Variants in CACNA1C observed in about 807,000 individuals in gnomAD.
CACNA1C encodes calcium voltage-gated channel subunit alpha1 C.
CACNA1C carries 30 observed loss-of-function variants against 229.0 expected under a neutral mutation model. The observed-to-expected ratio is 0.13, with a 90% CI of 0.10 to 0.18. The LOEUF (loss-of-function observed/expected upper bound fraction) is 0.18. Ranked by LOEUF, CACNA1C falls within the 10% of genes least tolerant of loss-of-function variation. CACNA1C has a pLI of 1.00. For missense variants in CACNA1C, 1,658 were observed against 2,845.0 expected, an observed-to-expected ratio of 0.58 and a Z score of 9.49; for synonymous variants, 1,114 against 1,132.5, an observed-to-expected ratio of 0.98 and a Z score of 0.33.
chr12:2,350,548 G>A (rs148204409), intron 3 of CACNA1C, among the ~76,000 whole-genome samples: 143 of 152,332 alleles, frequency 9.4e-4, no homozygotes, highest in African/African-American at 3.2e-3. Flanking sequence ...GGGCCTGAAT[G>A]TGTCCACAAT....
chr12:2,620,873 A>G lies in CACNA1C; in HGVS notation c.3828+8860A>G, dbSNP rs2283329. On this transcript the variant is annotated intron_variant, in intron 29 of 46. Transcript: ENST00000399655. Reference sequence around the variant, plus strand: ...GAGGCATTCAGTGAAAGTTTGATGCATGCATGCATGAATGGATGAATGAGA... The same window carrying G: ...GAGGCATTCAGTGAAAGTTTGATGCGTGCATGCATGAATGGATGAATGAGA... 0.011 allele frequency among the ~76,000 whole-genome samples: 1,601 copies of G among 152,346 alleles called. 69 individuals carry two copies. In the East Asian group the frequency reaches 0.11, roughly 10 times the overall value.
chr12:2,659,145 C>G (rs1334578470), intron 34 of CACNA1C, among the ~76,000 whole-genome samples: 1 of 152,202 alleles, frequency 6.6e-6, no homozygotes, highest in African/African-American at 2.4e-5. Context: ...CTCACAGTCA[C>G]TCACCACTCA....
chr12:2,354,559 G>T lies in CACNA1C; in HGVS notation c.478-94417G>T, dbSNP rs966306487. Among the ~76,000 whole-genome samples the T allele has an allele frequency of 6.6e-6, 1 of 152,128 alleles. No individual in the cohort carries two copies. The highest frequency in any genetic ancestry group is 1.5e-5 in the Non-Finnish European group (1 of 68,018). On this transcript the variant is annotated intron_variant, in intron 3 of 46. Coordinates refer to ENST00000399655, the MANE Select transcript of CACNA1C (RefSeq NM_000719.7). This position sits in a 1 kb window ranked among gnomAD's most constrained non-coding sequence, Gnocchi z 4.6. ...CCCAAGAGAGGGAAAATGCCTTTCC[G>T]CATGCATGCTCTCCTAGCTATGCTT... is the stretch of plus-strand genomic sequence containing the variant.
At chr12:2,562,265 A>C (rs915452659) in intron 11 of CACNA1C, among the ~76,000 whole-genome samples, 1 of 152,230 alleles carries the variant, frequency 6.6e-6, no homozygotes, top group Non-Finnish European at 1.5e-5. Flanking sequence ...AAAAAGGGGC[A>C]TAATCAAGCT....
At chr12:2,643,394 C>T (rs901550423) in intron 30 of CACNA1C, among the ~76,000 whole-genome samples, 1 of 152,188 alleles carries the variant, frequency 6.6e-6, no homozygotes, top group Non-Finnish European at 1.5e-5. Context: ...TCACACCAAA[C>T]CAAAATGGGA....
At chr12:2,070,475 C>T (rs574197544) in intron 1 of CACNA1C, among the ~76,000 whole-genome samples, 1 of 152,316 alleles carries the variant, frequency 6.6e-6, no homozygotes, top group African/African-American at 2.4e-5. Context: ...GAGTGGTAAA[C>T]TTCCTCAGTC....
At position 2,651,795 on chromosome 12, in the gene CACNA1C, CG is replaced by C; in HGVS notation, c.4074+31del. The C allele has an allele frequency of 6.5e-7, 1 of 1,543,166 alleles. No homozygotes were observed. Among genetic ancestry groups the C allele is most frequent in the Non-Finnish European group, 8.7e-7 (1 of 1,145,722 alleles). ...TAGCCGCCCCTCATGTCCTGCGGCC[CG>C]GGGAATCGCAGGGCTGCCGCGTGGC... On this transcript the variant is annotated intron_variant, in intron 32 of 46. Coordinates refer to ENST00000399655, the MANE Select transcript of CACNA1C (RefSeq NM_000719.7). The surrounding 1 kb of genome is among the most constrained non-coding windows in gnomAD (Gnocchi z 5.4).
rs936127873 is a variant in CACNA1C at position 2,654,827 on chromosome 12, C to T, written c.4141-320C>T. 4.6e-5 allele frequency among the ~76,000 whole-genome samples: 7 copies of T among 152,182 alleles called. No homozygotes were observed. Among genetic ancestry groups the T allele is most frequent in the African/African-American group, 7.2e-5 (3 of 41,450 alleles). Reference sequence around the variant, plus strand: ...AGAACTGAAATAGCAAAGAAAATAACGCAGTGCGTCCTGTGTCCTGTCAGA... The same window carrying T: ...AGAACTGAAATAGCAAAGAAAATAATGCAGTGCGTCCTGTGTCCTGTCAGA... On this transcript the variant is annotated intron_variant, in intron 33 of 46. Coordinates refer to ENST00000399655, the MANE Select transcript of CACNA1C (RefSeq NM_000719.7). The surrounding 1 kb of genome is among the most constrained non-coding windows in gnomAD (Gnocchi z 4.4).
At chr12:2,298,023 A>T (rs567605004) in intron 3 of CACNA1C, among the ~76,000 whole-genome samples, 8 of 152,316 alleles carry the variant, frequency 5.3e-5, no homozygotes, top group African/African-American at 1.7e-4. Flanking sequence ...GCTGGGTAAC[A>T]TCTAAAGGAG....
intron 34 of CACNA1C, among the ~76,000 whole-genome samples, chr12:2,655,951 A>T (rs1008593857): frequency 3.3e-5 from 5 of 152,260 alleles, no homozygotes; most frequent in Non-Finnish European, 7.3e-5. Flanking sequence ...ACTGCAACAC[A>T]ATAAAGGCCA....
chr12:2,398,176 A>G (rs1208400160), intron 3 of CACNA1C, among the ~76,000 whole-genome samples: 1 of 152,174 alleles, frequency 6.6e-6, no homozygotes, highest in East Asian at 1.9e-4. Flanking sequence ...CATTATTTGC[A>G]TTTTCTGAGT....
intron 3 of CACNA1C, among the ~76,000 whole-genome samples, chr12:2,230,978 C>G (rs1031448720): frequency 6.6e-6 from 1 of 152,140 alleles, no homozygotes; most frequent in African/African-American, 2.4e-5. Flanking sequence ...TTGTCAATCT[C>G]TTAATTTCTT....
intron 3 of CACNA1C, among the ~76,000 whole-genome samples, chr12:2,416,732 T>G (rs937639473): frequency 6.6e-6 from 1 of 152,210 alleles, no homozygotes; most frequent in Admixed American, 6.5e-5. Flanking sequence ...GAGGAGTTAA[T>G]TTTTACTTGA....
At chr12:2,554,278 G>A (rs1158139295) in intron 10 of CACNA1C, among the ~76,000 whole-genome samples, 1 of 152,196 alleles carries the variant, frequency 6.6e-6, no homozygotes, top group Admixed American at 6.5e-5. Flanking sequence ...TTGGAGTCCT[G>A]GGTGGAGAAA....
At chr12:2,253,805 C>G (rs1600817863) in intron 3 of CACNA1C, among the ~76,000 whole-genome samples, 1 of 152,218 alleles carries the variant, frequency 6.6e-6, no homozygotes, top group Non-Finnish European at 1.5e-5. Flanking sequence ...TCTCATGTTG[C>G]AATGGAAGAT....
intron 3 of CACNA1C, among the ~76,000 whole-genome samples, chr12:2,186,646 C>A (rs1023221140): frequency 1.3e-5 from 2 of 152,206 alleles, no homozygotes; most frequent in Non-Finnish European, 2.9e-5. Flanking sequence ...TCAGCACTTA[C>A]ACGTTTCCAT....
chr12:2,376,435 C>T (rs1260967052), intron 3 of CACNA1C, among the ~76,000 whole-genome samples: 1 of 152,148 alleles, frequency 6.6e-6, no homozygotes, highest in East Asian at 1.9e-4. Context: ...GTCTTACCCA[C>T]CTTTGTATCC....
At chr12:2,541,942 C>T (rs958601462) in intron 9 of CACNA1C, among the ~76,000 whole-genome samples, 9 of 152,058 alleles carry the variant, frequency 5.9e-5, no homozygotes, top group Non-Finnish European at 1.2e-4. Flanking sequence ...TAAAAAGCTC[C>T]GAGACGGGGG....
chr12:2,585,936 G>T lies in CACNA1C; in HGVS notation c.2530+32G>T. 7.2e-7 allele frequency: 1 copy of T among 1,384,910 alleles called. No homozygotes were observed. Among genetic ancestry groups the T allele is most frequent in the East Asian group, 2.4e-5 (1 of 41,370 alleles). 85.8% of individuals were successfully genotyped at this position (1,384,910 alleles called of 1,614,324 possible). On this transcript the variant is annotated intron_variant, in intron 18 of 46. Transcript: ENST00000399655. The surrounding 1 kb of genome is among the most constrained non-coding windows in gnomAD (Gnocchi z 4.1). ...GTCCCACTGCCTAACCTGGGATTGG[G>T]AGATTGGGGGCAGAGATCTAAATTC...
Sources: gnomAD v4.1 joint callset for allele counts (sites outside exome capture counted in the v4.1 genomes callset) on GRCh38, gnomAD v4.1.1 for gene constraint, Gnocchi (gnomAD v3.1) non-coding constraint, MANE v1.5 for transcripts, NCBI Gene and HGNC (gene_info 2026-07-23, HGNC 2026-07-21) for gene names.